The following SHROOM2 variants were observed in gnomAD, a reference collection of about 807,000 sequenced individuals.
The protein encoded by SHROOM2 is protein Shroom2.
SHROOM2 carries 33 observed loss-of-function variants against 75.9 expected under a neutral mutation model. The ratio of observed to expected loss-of-function variants is 0.43; its 90% confidence interval spans 0.33 to 0.58. The LOEUF (loss-of-function observed/expected upper bound fraction) is 0.58, where lower values mean the gene tolerates loss of function less well. Ranked by LOEUF, SHROOM2 falls within the 20% of genes least tolerant of loss-of-function variation. The pLI is 0.04. For synonymous variants in SHROOM2, 655 were observed against 663.6 expected (o/e 0.99, Z 0.20); for missense variants, 1,434 against 1,461.2 (o/e 0.98, Z 0.30).
At chrX:9,802,596 T>C (rs1430893211) in intron 1 of SHROOM2, among the ~76,000 whole-genome samples, 1 of 111,959 alleles carries the variant, frequency 8.9e-6, no homozygotes, top group East Asian at 2.8e-4. Context: ...TGCAGCATCC[T>C]CAAGCCTACT....
chrX:9,938,956 G>C (rs1248048647), intron 7 of SHROOM2, among the ~76,000 whole-genome samples: 1 of 112,581 alleles, frequency 8.9e-6, no homozygotes, highest in Non-Finnish European at 1.9e-5. Flanking sequence ...GCTTATTTGA[G>C]TTTTTGCCTT....
chrX:9,925,794 A>G (rs1485460388), intron 5 of SHROOM2, among the ~76,000 whole-genome samples: 1 of 112,471 alleles, frequency 8.9e-6, no homozygotes, highest in Non-Finnish European at 1.9e-5. Context: ...AAAGGAGGAA[A>G]CACCTCAATG....
Position 9,932,300 on chromosome X carries a change from G to T in SHROOM2, c.3017G>T (p.Arg1006Leu). 8.3e-7 allele frequency: 1 copy of T among 1,205,998 alleles called. No homozygotes were observed. Among genetic ancestry groups the T allele is most frequent in the South Asian group, 1.8e-5 (1 of 56,374 alleles). Residue 1006 changes from arginine (R) to leucine (L), a missense_variant, in exon 6 of 10, where the codon CGG becomes CTG. By Grantham distance (102) the Arg-to-Leu change is moderately radical (BLOSUM62 -2). Transcript: ENST00000380913. ...SHCRGAPELP[R>L]EGRGRAGTLP... is the part of the protein sequence containing the mutation. ...TGCCGGGGAGCCCCAGAGCTGCCCC[G>T]GGAGGGCCGGGGCCGAGCGGGAACC...
At chrX:9,794,972 A>G (rs1301034068) in intron 1 of SHROOM2, among the ~76,000 whole-genome samples, 1 of 112,334 alleles carries the variant, frequency 8.9e-6, no homozygotes, top group African/African-American at 3.2e-5. Flanking sequence ...GAATGGAGAC[A>G]GTTCTCCCAC....
chrX:9,944,309 C>T (rs966917326), intron 8 of SHROOM2, among the ~76,000 whole-genome samples: 7 of 112,153 alleles, frequency 6.2e-5, no homozygotes. Flanking sequence ...GGACAGAATA[C>T]ATAGGTCTGT....
chrX:9,933,886 G>A (rs933530851), intron 6 of SHROOM2, among the ~76,000 whole-genome samples: 1 of 112,415 alleles, frequency 8.9e-6, no homozygotes, highest in African/African-American at 3.2e-5. Flanking sequence ...ATTCTCTGGA[G>A]CAGTGGCTCT....
intron 1 of SHROOM2, among the ~76,000 whole-genome samples, chrX:9,835,972 G>C (rs2083942030): frequency 8.9e-6 from 1 of 112,255 alleles, no homozygotes; most frequent in Non-Finnish European, 1.9e-5. Flanking sequence ...ACCTCTCACT[G>C]TCAAGTAAAG....
At chrX:9,936,227 T>C (rs770574923) in intron 6 of SHROOM2, among the ~76,000 whole-genome samples, 87 of 110,561 alleles carry the variant, frequency 7.9e-4, no homozygotes, top group African/African-American at 2.8e-3. Context: ...TTCTCATGCT[T>C]CAGCTTCCCG....
intron 1 of SHROOM2, among the ~76,000 whole-genome samples, chrX:9,839,098 G>A (rs1167527066): frequency 9.0e-6 from 1 of 111,369 alleles, no homozygotes; most frequent in African/African-American, 3.3e-5. Context: ...ATTTCACCAG[G>A]TGGCACTGGG....
intron 1 of SHROOM2, among the ~76,000 whole-genome samples, chrX:9,821,938 C>T (rs1389145582): frequency 8.9e-6 from 1 of 111,934 alleles, no homozygotes; most frequent in African/African-American, 3.2e-5. Context: ...GTGAGTTATA[C>T]TCAAGAAAGC....
chrX:9,904,349 A>C (rs749619460), intron 5 of SHROOM2, among the ~76,000 whole-genome samples: 28 of 111,031 alleles, frequency 2.5e-4, no homozygotes, highest in Non-Finnish European at 4.3e-4. Context: ...GCAATACTCT[A>C]TCTCTACAAA....
intron 1 of SHROOM2, among the ~76,000 whole-genome samples, chrX:9,842,711 G>A (rs1261295827): frequency 8.9e-6 from 1 of 112,331 alleles, no homozygotes; most frequent in Non-Finnish European, 1.9e-5. Context: ...TTGTCTGGTC[G>A]TTTGAATTCC....
rs971886896 is a variant in SHROOM2 at position 9,819,088 on chromosome X, A to G, written c.165+32378A>G. 1.7e-5 allele frequency: 21 copies of G among 1,201,631 alleles called. No homozygotes were observed. The African/African-American group carries it at 3.2e-4, about 18-fold the overall frequency. ...TTCTCAGGTGGGTTTTTGAGAATGA[A>G]TGTGCAGAGTTTATGATGTGTGTCA... On this transcript the variant is annotated intron_variant, in intron 1 of 9. Coordinates refer to ENST00000380913, the MANE Select transcript of SHROOM2 (RefSeq NM_001649.4).
intron 2 of SHROOM2, among the ~76,000 whole-genome samples, chrX:9,880,721 T>G (rs1239149637): frequency 8.9e-6 from 1 of 111,913 alleles, no homozygotes; most frequent in Non-Finnish European, 1.9e-5. Context: ...AAAAGCCTGT[T>G]TTTTTTGTTG....
chrX:9,822,691 C>G (rs754758993), intron 1 of SHROOM2, among the ~76,000 whole-genome samples: 1 of 112,574 alleles, frequency 8.9e-6, no homozygotes, highest in Non-Finnish European at 1.9e-5. Context: ...CTCAGTGCCA[C>G]GCAGGTGGCA....
At chrX:9,866,778 C>T (rs1234652824) in intron 1 of SHROOM2, among the ~76,000 whole-genome samples, 1 of 109,595 alleles carries the variant, frequency 9.1e-6, no homozygotes, top group East Asian at 2.9e-4. Context: ...TGCAGGACAG[C>T]GTCCAGATTC....
chrX:9,934,953 A>T (rs753990871), intron 6 of SHROOM2, among the ~76,000 whole-genome samples: 58 of 110,829 alleles, frequency 5.2e-4, no homozygotes, highest in South Asian at 2.3e-3. Flanking sequence ...TTGTATTTTT[A>T]GTAGAGACGG....
rs1003609233 is a variant in SHROOM2, at chrX:9,859,300, G to A, written c.166-14352G>A. On this transcript the variant is annotated intron_variant, in intron 1 of 9. Coordinates refer to ENST00000380913, the MANE Select transcript of SHROOM2 (RefSeq NM_001649.4). Reference sequence around the variant, plus strand: ...TGAAAGCAGGGCTTTAGACAACGTCGCTTATGTTCGATGATTCTTTTTCTC... The same window carrying A: ...TGAAAGCAGGGCTTTAGACAACGTCACTTATGTTCGATGATTCTTTTTCTC... Among the ~76,000 whole-genome samples, 5 of 111,965 alleles carry A rather than the reference G, an allele frequency of 4.5e-5. No individual in the cohort carries two copies. In the Admixed American group the frequency reaches 4.7e-4, roughly 11 times the overall value.
At chrX:9,823,759 T>TTC (rs1555924455) in intron 1 of SHROOM2, among the ~76,000 whole-genome samples, 2 of 94,756 alleles carry the variant, frequency 2.1e-5, no homozygotes, top group Admixed American at 2.5e-4. Context: ...CTTTTTTCTT[T>TTC]TTTCTTTTTT....
Sources: allele counts gnomAD v4.1 joint callset (sites outside exome capture counted in the v4.1 genomes callset), GRCh38; gene constraint gnomAD v4.1.1; transcripts MANE v1.5; gene names NCBI Gene and HGNC (gene_info 2026-07-23, HGNC 2026-07-21).